INTS1: variants seen among roughly 807,000 people sequenced by gnomAD.
The protein encoded by INTS1 is integrator complex subunit 1.
A neutral mutation model predicts 241.6 loss-of-function variants in INTS1; 137 were observed. The ratio of observed to expected loss-of-function variants is 0.57; its 90% CI spans 0.49 to 0.65. The LOEUF (loss-of-function observed/expected upper bound fraction) is 0.65. INTS1 is among the 30% of genes least tolerant of loss of function. The probability of loss-of-function intolerance (pLI) is 0.00; values close to 1 mark genes in which losing one functional copy is unlikely to be tolerated. For synonymous variants in INTS1, 1,692 were observed against 1,337.8 expected, an observed-to-expected ratio of 1.26 and a Z score of -5.78; for missense variants, 3,073 against 3,032.2, an observed-to-expected ratio of 1.01 and a Z score of -0.32.
chr7:1,493,631 A>T lies in INTS1; in HGVS notation c.2068+123T>A. The T allele has an allele frequency of 2.3e-6, 3 of 1,305,252 alleles. No individual in the cohort carries two copies. Among genetic ancestry groups the T allele is most frequent in the Admixed American group, 3.0e-5 (1 of 33,452 alleles). The allele number at this position is 1,305,252 out of a possible 1,614,324, so 80.9% of individuals were successfully genotyped here. A position where few individuals can be genotyped will look rare whatever the true frequency, so the allele number is the denominator to read the frequency against. On this transcript the variant is annotated intron_variant, in intron 15 of 47. Coordinates refer to ENST00000404767, the MANE Select transcript of INTS1 (RefSeq NM_001080453.3). This position sits in a 1 kb window ranked among gnomAD's most constrained non-coding sequence, Gnocchi z 5.3. ...AGGCAGGTCCCCGAGCCTCCCGGGG[A>T]CCCAGGACCCAGCTGAAGCGCAGCT...
At chr7:1,485,542 C>T in intron 22 of INTS1, 73 bp from the exon 23 acceptor site, 1 of 1,482,680 alleles carries the variant, frequency 6.7e-7, no homozygotes, top group South Asian at 1.2e-5. Context: ...CCCGGGAGCA[C>T]ACGCATGGTG....
Position 1,476,052 on chromosome 7 carries a change from G to T in INTS1, c.5398C>A (p.Arg1800=), listed in dbSNP as rs1201272919. 3 of 1,544,562 alleles carry T rather than the reference G, an allele frequency of 1.9e-6. No individual in the cohort carries two copies. Among genetic ancestry groups the T allele is most frequent in the Non-Finnish European group, 2.6e-6 (3 of 1,146,468 alleles). The change falls in exon 39 of 48, where the codon CGA becomes AGA. Residue 1800 remains arginine (R), a synonymous_variant. Coordinates refer to ENST00000404767, the MANE Select transcript of INTS1 (RefSeq NM_001080453.3). ...WGDSVLGRRC[R]DLLLQLYLQR... ...AGGTAGAGCTGCAGGAGAAGGTCTC[G>T]GCAGCGCCTGCCCAGCACGCTGGAA...
At position 1,486,926 on chromosome 7, in the gene INTS1, C is replaced by T. The variant is rs771406699; in HGVS notation, c.2822G>A (p.Arg941Gln). Residue 941 changes from arginine (R) to glutamine (Q), a missense_variant, in exon 21 of 48, where the codon CGG becomes CAG. Physicochemically the swap from Arg to Gln is conservative, Grantham distance 43. Coordinates refer to ENST00000404767, the MANE Select transcript of INTS1 (RefSeq NM_001080453.3). Reference protein sequence around the residue: ...GESKEQKAKKRQRQQKQRQLL... With the variant: ...GESKEQKAKKQQRQQKQRQLL... ...TGAGGGGTGGGCGGCCCTGACCTGCCGCTTCTTGGCCTTCTGCTCCTTGCT... is the reference window on the plus strand; with the variant it reads ...TGAGGGGTGGGCGGCCCTGACCTGCTGCTTCTTGGCCTTCTGCTCCTTGCT... 5.0e-6 allele frequency: 8 copies of T among 1,600,960 alleles called. No homozygotes were observed. The highest frequency in any genetic ancestry group is 2.2e-5 in the East Asian group (1 of 44,514).
rs1474662720 is a variant in INTS1, at chr7:1,495,623, G to A, written c.1712-70C>T. Reference sequence around the variant, plus strand: ...ATGAGGGGCTAAGGCACCCCTGGGGGTCCAACTCAATGCTGGCACTTGGGA... The same window carrying A: ...ATGAGGGGCTAAGGCACCCCTGGGGATCCAACTCAATGCTGGCACTTGGGA... On this transcript the variant is annotated intron_variant, in intron 12 of 47. Coordinates refer to ENST00000404767, the MANE Select transcript of INTS1 (RefSeq NM_001080453.3). The A allele has an allele frequency of 2.9e-5, 44 of 1,542,886 alleles. 1 individual carries two copies. The South Asian group carries it at 3.3e-4, about 12-fold the overall frequency.
chr7:1,474,007 C>T (rs890215672), intron 41 of INTS1, among the ~76,000 whole-genome samples, 161 bp downstream of exon 41: 1 of 152,220 alleles, frequency 6.6e-6, no homozygotes, highest in Non-Finnish European at 1.5e-5. Flanking sequence ...GGGCAGCAGG[C>T]AGGGGCTTCC....
At chr7:1,479,221 C>T (rs554898350) in intron 31 of INTS1, among the ~76,000 whole-genome samples, 12 of 152,222 alleles carry the variant, frequency 7.9e-5, no homozygotes, top group Middle Eastern at 3.2e-3. Flanking sequence ...TGCAAACAGG[C>T]GGACGCCGCA....
At chr7:1,477,515 G>T in intron 35 of INTS1, 35 bp downstream of exon 35, 2 of 1,477,070 alleles carry the variant, frequency 1.4e-6, no homozygotes. Context: ...TTTACCCTGG[G>T]GTGGGTCCCC....
rs200053969 is a variant in INTS1, at chr7:1,503,027, T to C, written c.223A>G (p.Thr75Ala). The C allele has an allele frequency of 4.1e-5, 66 of 1,613,536 alleles. No individual in the cohort carries two copies. The highest frequency in any genetic ancestry group is 2.9e-5 in the Non-Finnish European group (34 of 1,179,812). Residue 75 changes from threonine (T) to alanine (A), a missense_variant, in exon 3 of 48, where the codon ACC becomes GCC. Transcript: ENST00000404767. ...LSSASALTGL[T>A]KRPKLSSTPP... The stretch of plus-strand genomic sequence containing the variant: ...GTGGAGGAGAGTTTGGGGCGTTTGG[T>C]GAGACCGGTGAGGGCCGAGGCACTG...
At chr7:1,480,689 G>C in intron 29 of INTS1, 146 bp downstream of exon 29, 1 of 744,816 alleles carries the variant, frequency 1.3e-6, no homozygotes, top group South Asian at 1.8e-5. Context: ...GAGTTTCTGT[G>C]GGGGCCCCTC....
rs1256735652 is a variant in INTS1 at position 1,480,817 on chromosome 7, C to G, written c.3949+18G>C. The G allele has an allele frequency of 6.5e-7, 1 of 1,542,416 alleles. No individual in the cohort carries two copies. Among genetic ancestry groups the G allele is most frequent in the African/African-American group, 1.4e-5 (1 of 72,942 alleles). ...CCCCAGGCTGGGTCTCTGTGCTGGCCCCACCCCTCCCCAGTACCTCGGCGG... is the reference window on the plus strand; with the variant it reads ...CCCCAGGCTGGGTCTCTGTGCTGGCGCCACCCCTCCCCAGTACCTCGGCGG... On this transcript the variant is annotated intron_variant, in intron 29 of 47. Transcript: ENST00000404767.
intron 12 of INTS1, 65 bp downstream of exon 12, chr7:1,496,091 C>G (rs924848306): frequency 1.3e-5 from 17 of 1,312,422 alleles, no homozygotes; most frequent in Non-Finnish European, 1.9e-5. Context: ...CTCGGAGAGC[C>G]GCCAGCCACC....
In INTS1 at chr7:1,470,442, G is replaced by A; in HGVS notation, c.*135C>T. 2 of 637,706 alleles carry A rather than the reference G, an allele frequency of 3.1e-6. No individual in the cohort carries two copies. Among genetic ancestry groups the A allele is most frequent in the Non-Finnish European group, 5.1e-6 (2 of 389,680 alleles). 39.5% of individuals were successfully genotyped at this position (637,706 alleles called of 1,614,324 possible). A position where few individuals can be genotyped will look rare whatever the true frequency, so the allele number is the denominator to read the frequency against. ...CCAGGGCTCGGAGTATTGCTCCTGG[G>A]CCTGCCTGGCCTCAGGGCTCGGCGC... On this transcript the variant is annotated 3_prime_UTR_variant, in exon 48 of 48. Coordinates refer to ENST00000404767, the MANE Select transcript of INTS1 (RefSeq NM_001080453.3).
intron 1 of INTS1, 64 bp from the exon 2 acceptor site, chr7:1,504,065 C>T (rs1206653834): frequency 3.4e-6 from 3 of 876,634 alleles, no homozygotes; most frequent in African/African-American, 3.5e-5. Context: ...CTCATTCGCT[C>T]CCTTGCCGCA....
chr7:1,471,334 C>T (rs540849419), intron 45 of INTS1, 110 bp from the exon 46 acceptor site: 5 of 1,193,830 alleles, frequency 4.2e-6, no homozygotes, highest in African/African-American at 3.0e-5. Flanking sequence ...GACCCTAGGC[C>T]CCTATCCAGA....
rs369100711 is a variant in INTS1, at chr7:1,499,158, G to A, written c.954C>T (p.Tyr318=). The change falls in exon 8 of 48, where the codon TAC becomes TAT. Residue 318 remains tyrosine, a synonymous_variant. Coordinates refer to ENST00000404767, the MANE Select transcript of INTS1 (RefSeq NM_001080453.3). ...PEQEGQLMPR[Y]EELAESVEEY... ...CCTCCACGCTCTCCGCGAGCTCTTC[G>A]TACCTAGGCCAGAGGAGGGAGCGAG... 3.2e-5 allele frequency: 52 copies of A among 1,608,630 alleles called. No individual in the cohort carries two copies. Among genetic ancestry groups the A allele is most frequent in the Admixed American group, 2.2e-4 (13 of 59,886 alleles).
At chr7:1,500,694 C>A (rs1381790019) in intron 3 of INTS1, among the ~76,000 whole-genome samples, 1 of 152,332 alleles carries the variant, frequency 6.6e-6, no homozygotes, top group East Asian at 1.9e-4. Context: ...TGAATCGTGG[C>A]TCCGTCTGGC....
rs547464208 is a variant in INTS1, at chr7:1,494,991, G to C, written c.1833-98C>G. 4 of 1,404,024 alleles carry C rather than the reference G, an allele frequency of 2.8e-6. No homozygotes were observed. The East Asian group carries it at 1.0e-4, about 35-fold the overall frequency. The allele number at this position is 1,404,024 out of a possible 1,614,324, so 87.0% of individuals were successfully genotyped here. A position where few individuals can be genotyped will look rare whatever the true frequency, so the allele number is the denominator to read the frequency against. On this transcript the variant is annotated intron_variant, in intron 13 of 47. Coordinates refer to ENST00000404767, the MANE Select transcript of INTS1 (RefSeq NM_001080453.3). ...GGACCCCGCTCCCACGGGCCCCAGC[G>C]CTCAGAGGCCGGGCTGCCTGGTGCC...
intron 26 of INTS1, 48 bp downstream of exon 26, chr7:1,483,694 G>A (rs1297096640): frequency 6.2e-6 from 9 of 1,456,562 alleles, no homozygotes; most frequent in Non-Finnish European, 7.7e-6. Context: ...TCAGGGCTGT[G>A]GCCCACCTGG....
At chr7:1,500,718 C>T (rs1783133806) in intron 3 of INTS1, among the ~76,000 whole-genome samples, 1 of 152,210 alleles carries the variant, frequency 6.6e-6, no homozygotes, top group Non-Finnish European at 1.5e-5. Context: ...TTCTTTCTCA[C>T]TGTGGACCGC....
Sources: gnomAD v4.1 joint callset for allele counts (sites outside exome capture counted in the v4.1 genomes callset) on GRCh38, gnomAD v4.1.1 for gene constraint, Gnocchi (gnomAD v3.1) non-coding constraint, MANE v1.5 for transcripts, NCBI Gene and HGNC (gene_info 2026-07-23, HGNC 2026-07-21) for gene names.